NUP62: variants seen among roughly 807,000 people sequenced by gnomAD.
The protein encoded by NUP62 is nucleoporin 62, also known as nuclear pore glycoprotein p62.
For synonymous variants in NUP62, 305 were observed against 303.4 expected (o/e 1.01, Z -0.05); for missense variants, 647 against 689.4 (o/e 0.94, Z 0.69).
intron 1 of NUP62, chr19:49,928,206 C>T (rs1024696774): frequency 1.3e-5 from 2 of 152,154 alleles, no homozygotes; most frequent in African/African-American, 4.8e-5. Context: ...GAGACTGGGC[C>T]CCAGAGTTCC....
intron 2 of NUP62, 141 bp downstream of exon 2, chr19:49,927,553 C>G (rs1366561004): frequency 6.6e-6 from 1 of 152,128 alleles, no homozygotes; most frequent in Non-Finnish European, 1.5e-5. Context: ...TAACACAGCC[C>G]CTATAGGCCC....
At chr19:49,925,472 C>T (rs934547967) in intron 2 of NUP62, among the ~76,000 whole-genome samples, 2 of 149,822 alleles carry the variant, frequency 1.3e-5, no homozygotes, top group African/African-American at 5.0e-5. Flanking sequence ...AAATAGCATC[C>T]TACCTGGCCA....
In NUP62 at chr19:49,921,358, C is replaced by T. The variant is rs1185236753; in HGVS notation, c.-78+6336G>A. Among the ~76,000 whole-genome samples, 2 of 152,140 alleles carry T rather than the reference C, an allele frequency of 1.3e-5. No homozygotes were observed. The highest frequency in any genetic ancestry group is 6.5e-5 in the Admixed American group (1 of 15,268). On this transcript the variant is annotated intron_variant, in intron 2 of 2. Transcript: ENST00000352066. The surrounding 1 kb of genome is among the most constrained non-coding windows in gnomAD (Gnocchi z 5.4). ...ATGGTCTTTTTTTGCTCCCCACTGC[C>T]ACCACCATCACCGTCCCCTGCCTCA... is the stretch of plus-strand genomic sequence containing the variant.
intron 2 of NUP62, among the ~76,000 whole-genome samples, chr19:49,916,558 G>T (rs1366810414): frequency 6.6e-6 from 1 of 151,982 alleles, no homozygotes. Context: ...CGGATCACTA[G>T]GTCAGGAGAT....
At chr19:49,920,782 G>A (rs1298245122) in intron 2 of NUP62, among the ~76,000 whole-genome samples, 1 of 152,222 alleles carries the variant, frequency 6.6e-6, no homozygotes, top group East Asian at 1.9e-4. Flanking sequence ...GCCTGGAGAG[G>A]GACTGAGGCA....
intron 2 of NUP62, among the ~76,000 whole-genome samples, chr19:49,923,984 C>T (rs1176524642): frequency 1.3e-5 from 2 of 152,224 alleles, no homozygotes; most frequent in Non-Finnish European, 1.5e-5. Context: ...TTCCATCATG[C>T]CAGGAGGCCA....
At chr19:49,924,987 C>T (rs1308890713) in intron 2 of NUP62, among the ~76,000 whole-genome samples, 3 of 152,196 alleles carry the variant, frequency 2.0e-5, no homozygotes, top group African/African-American at 7.2e-5. Context: ...CCGGGCCAGG[C>T]GCGGTGGTTC....
chr19:49,920,071 G>T (rs935769146), intron 2 of NUP62, among the ~76,000 whole-genome samples: 1 of 151,876 alleles, frequency 6.6e-6, no homozygotes, highest in East Asian at 1.9e-4. Flanking sequence ...TTACACATGT[G>T]TGCCACCACA....
intron 2 of NUP62, among the ~76,000 whole-genome samples, chr19:49,911,753 C>T (rs1184984195): frequency 6.6e-6 from 1 of 152,238 alleles, no homozygotes; most frequent in African/African-American, 2.4e-5. Context: ...AGGCTGTTAG[C>T]TCCACTAAGC....
intron 2 of NUP62, among the ~76,000 whole-genome samples, chr19:49,926,221 A>C: frequency 7.1e-6 from 1 of 141,816 alleles, no homozygotes. Flanking sequence ...AAAAAAAAAA[A>C]AAAAAAAAAG....
intron 2 of NUP62, among the ~76,000 whole-genome samples, chr19:49,913,692 T>C (rs1449701014): frequency 6.6e-6 from 1 of 152,182 alleles, no homozygotes; most frequent in Admixed American, 6.5e-5. Flanking sequence ...CTGTATCATT[T>C]CTCCATAATA....
chr19:49,908,053 G>T lies in NUP62; in HGVS notation c.*186C>A. The T allele has an allele frequency of 7.6e-7, 1 of 1,312,984 alleles. No individual in the cohort carries two copies. The highest frequency in any genetic ancestry group is 1.0e-6 in the Non-Finnish European group (1 of 985,896). The allele number at this position is 1,312,984 out of a possible 1,614,324, so 81.3% of individuals were successfully genotyped here. Reference sequence around the variant, plus strand: ...CCACACCCATGAGGCTGCTGCCTGGGCAGAAGGCCCAGAATACCCTCCTAA... The same window carrying T: ...CCACACCCATGAGGCTGCTGCCTGGTCAGAAGGCCCAGAATACCCTCCTAA... On this transcript the variant is annotated 3_prime_UTR_variant, in exon 3 of 3. Coordinates refer to ENST00000352066, the MANE Select transcript of NUP62 (RefSeq NM_016553.5).
At chr19:49,927,269 G>T (rs895659116) in intron 2 of NUP62, among the ~76,000 whole-genome samples, 6 of 152,074 alleles carry the variant, frequency 3.9e-5, no homozygotes, top group African/African-American at 1.2e-4. Context: ...GTCAAGTTTT[G>T]AACTCATATA....
intron 2 of NUP62, among the ~76,000 whole-genome samples, chr19:49,918,115 C>T (rs2075672186): frequency 6.6e-6 from 1 of 151,314 alleles, no homozygotes; most frequent in South Asian, 2.1e-4. Flanking sequence ...ACTCTGTCAT[C>T]CAGTGCAGTG....
chr19:49,915,627 G>T (rs2075603962), intron 2 of NUP62, among the ~76,000 whole-genome samples: 1 of 152,238 alleles, frequency 6.6e-6, no homozygotes, highest in South Asian at 2.1e-4. Context: ...GATGGAGAAA[G>T]AACAGAATGA....
chr19:49,915,391 A>C (rs2075597812), intron 2 of NUP62, among the ~76,000 whole-genome samples: 1 of 152,348 alleles, frequency 6.6e-6, no homozygotes. Flanking sequence ...CTGGCTTTGA[A>C]GATGAGGGGG....
At chr19:49,915,363 C>T (rs959306233) in intron 2 of NUP62, among the ~76,000 whole-genome samples, 4 of 152,156 alleles carry the variant, frequency 2.6e-5, no homozygotes, top group Non-Finnish European at 5.9e-5. Flanking sequence ...GAAGAATGGA[C>T]TGAGAGACAC....
Position 49,908,263 on chromosome 19 carries a change from G to A in NUP62, c.1545C>T (p.Arg515=). The change falls in exon 3 of 3, where the codon CGC becomes CGT. Residue 515 remains arginine (R), a synonymous_variant. Transcript: ENST00000352066. Reference sequence around the variant, plus strand: ...CTCAGTCAAAGGTGATCCGGAAGCTGCGCTCCTGCTCCTTGCGCCGGCCCT... The same window carrying A: ...CTCAGTCAAAGGTGATCCGGAAGCTACGCTCCTGCTCCTTGCGCCGGCCCT... ...VCEGRRKEQE[R]SFRITFD The A allele has an allele frequency of 3.1e-6, 5 of 1,613,622 alleles. No individual in the cohort carries two copies. The highest frequency in any genetic ancestry group is 3.4e-6 in the Non-Finnish European group (4 of 1,180,040).
rs1368897745 is a variant in NUP62 at position 49,927,254 on chromosome 19, G to A, written c.-78+440C>T. On this transcript the variant is annotated intron_variant, in intron 2 of 2. Transcript: ENST00000352066. Reference sequence around the variant, plus strand: ...CAGGGTCACACAGCTAGTAAGAGGGGTGCAGTCAAGTTTTGAACTCATATA... The same window carrying A: ...CAGGGTCACACAGCTAGTAAGAGGGATGCAGTCAAGTTTTGAACTCATATA... 2.6e-5 allele frequency among the ~76,000 whole-genome samples: 4 copies of A among 152,106 alleles called. No individual in the cohort carries two copies. The East Asian group carries it at 5.8e-4, about 22-fold the overall frequency.
Sources: gnomAD v4.1 joint callset for allele counts (sites outside exome capture counted in the v4.1 genomes callset) on GRCh38, gnomAD v4.1.1 for gene constraint, Gnocchi (gnomAD v3.1) non-coding constraint, MANE v1.5 for transcripts, NCBI Gene and HGNC (gene_info 2026-07-23, HGNC 2026-07-21) for gene names.